The following USP6 variants were observed in gnomAD, a reference collection of about 807,000 sequenced individuals.
The protein encoded by USP6 is ubiquitin carboxyl-terminal hydrolase 6.
USP6 carries 128 observed loss-of-function variants against 175.7 expected under a neutral mutation model. The observed-to-expected ratio is 0.73, with a 90% CI of 0.63 to 0.84. The LOEUF is 0.84. USP6 is among the 40% of genes least tolerant of loss of function. The pLI, the probability that USP6 is intolerant of heterozygous loss-of-function variation, is 0.00. For synonymous variants in USP6, 562 were observed against 630.6 expected (o/e 0.89, Z 1.63); for missense variants, 1,498 against 1,760.3 (o/e 0.85, Z 2.67).
At chr17:5,133,236 G>A (rs574657295) in intron 13 of USP6, among the ~76,000 whole-genome samples, 43 of 152,152 alleles carry the variant, frequency 2.8e-4, no homozygotes, top group South Asian at 8.3e-4. Context: ...CTGGTGACCC[G>A]AAGGAAGGAA....
chr17:5,150,676 G>A (rs1162399862), intron 30 of USP6, among the ~76,000 whole-genome samples: 1 of 151,884 alleles, frequency 6.6e-6, no homozygotes, highest in Non-Finnish European at 1.5e-5. Context: ...TGTATTTTTA[G>A]TAGAGATGGG....
chr17:5,160,896 C>G (rs1389453925), intron 31 of USP6, among the ~76,000 whole-genome samples: 1 of 152,188 alleles, frequency 6.6e-6, no homozygotes, highest in Non-Finnish European at 1.5e-5. Flanking sequence ...CCTGTTGTTT[C>G]CTGACTTTTT....
At chr17:5,170,987 C>T (rs2074204908) in intron 36 of USP6, 72 bp downstream of exon 36, 1 of 1,541,366 alleles carries the variant, frequency 6.5e-7, no homozygotes, top group Non-Finnish European at 8.8e-7. Flanking sequence ...TATTCATCAG[C>T]AAGTATTTTT....
chr17:5,135,737 G>C, intron 16 of USP6, 71 bp from the exon 17 acceptor site: 1 of 1,596,788 alleles, frequency 6.3e-7, no homozygotes, highest in Non-Finnish European at 8.5e-7. Context: ...CCTCTCCAAT[G>C]ACATGAGTCC....
chr17:5,119,662 G>A (rs2072607946), intron 2 of USP6, among the ~76,000 whole-genome samples: 1 of 152,150 alleles, frequency 6.6e-6, no homozygotes, highest in Non-Finnish European at 1.5e-5. Context: ...TCAGCTCACT[G>A]CAGTTAACTA....
chr17:5,127,183 C>T (rs557644486), intron 6 of USP6, among the ~76,000 whole-genome samples: 6 of 152,130 alleles, frequency 3.9e-5, no homozygotes, highest in Non-Finnish European at 8.8e-5. Context: ...GATCCAGGCT[C>T]CAGAAGTCTC....
chr17:5,155,642 C>T (rs374594051), intron 31 of USP6, 36 bp downstream of exon 31: 97 of 1,575,216 alleles, frequency 6.2e-5, no homozygotes, highest in East Asian at 2.9e-4. Context: ...CTGTGGTTTC[C>T]AAACTCTAGA....
chr17:5,154,892 C>T (rs2144072658), intron 30 of USP6, among the ~76,000 whole-genome samples: 1 of 152,212 alleles, frequency 6.6e-6, no homozygotes, highest in Middle Eastern at 3.4e-3. Flanking sequence ...TGCCACCATG[C>T]CCAGCTAATT....
intron 33 of USP6, among the ~76,000 whole-genome samples, chr17:5,164,604 C>T (rs931863668): frequency 1.3e-5 from 2 of 152,220 alleles, no homozygotes; most frequent in Admixed American, 1.3e-4. Context: ...TTATAGGAAA[C>T]GGCCTACGTG....
rs2073681098 is a variant in USP6, at chr17:5,148,768, G to T, written c.2643+1G>T. 1 of 1,611,212 alleles carries T rather than the reference G, an allele frequency of 6.2e-7. No individual in the cohort carries two copies. The highest frequency in any genetic ancestry group is 1.1e-5 in the South Asian group (1 of 90,980). ...CATCATTGCAGTCCACCGAAAAATG[G>T]TTAGTTAAATGTTAGGCAACTCACT... On this transcript the variant is annotated splice_donor_variant, in intron 30 of 37. Coordinates refer to ENST00000574788, the MANE Select transcript of USP6 (RefSeq NM_001304284.2). LOFTEE classifies it high-confidence loss of function.
rs1477422522 is a variant in USP6, at chr17:5,123,915, A to ACG, written c.-1298-650_-1298-649insGC. Among the ~76,000 whole-genome samples the ACG allele has an allele frequency of 6.8e-5, 8 of 117,814 alleles. No homozygotes were observed. In the East Asian group the frequency reaches 1.2e-3, roughly 18 times the overall value. The allele number at this position is 117,814 out of a possible 152,430, so 77.3% of individuals were successfully genotyped here. ...CAAGCACGCACGTGCGCACACACAC[A>ACG]CACGCACACACACACACACACACGT... On this transcript the variant is annotated intron_variant, in intron 4 of 37. Transcript: ENST00000574788.
rs915305760 is a variant in USP6, at chr17:5,116,537, G to A, written c.-2131G>A. 1.3e-5 allele frequency: 2 copies of A among 152,328 alleles called. No homozygotes were observed. Among genetic ancestry groups the A allele is most frequent in the Admixed American group, 1.3e-4 (2 of 15,294 alleles). The allele number at this position is 152,328 out of a possible 1,614,324, so 9.4% of individuals were successfully genotyped here. A position where few individuals can be genotyped will look rare whatever the true frequency, so the allele number is the denominator to read the frequency against. On this transcript the variant is annotated 5_prime_UTR_variant, in exon 1 of 38. Transcript: ENST00000574788. ...CTGTCCGGGAAGAGCTCAGCCTAGT[G>A]GGGCGGGCGACAAGTTACAGTTGCT...
intron 33 of USP6, among the ~76,000 whole-genome samples, chr17:5,163,755 GTTAC>G (rs2074049930): frequency 6.6e-6 from 1 of 152,182 alleles, no homozygotes; most frequent in Non-Finnish European, 1.5e-5. Flanking sequence ...GGTAACCACA[GTTAC>G]TTAGTTCAAG....
intron 33 of USP6, among the ~76,000 whole-genome samples, chr17:5,164,042 A>G (rs1168388652): frequency 6.6e-6 from 1 of 152,234 alleles, no homozygotes; most frequent in Non-Finnish European, 1.5e-5. Flanking sequence ...AGACATTAAG[A>G]ATCTGATGGA....
intron 33 of USP6, among the ~76,000 whole-genome samples, chr17:5,164,562 T>C (rs2074063518): frequency 6.6e-6 from 1 of 152,256 alleles, no homozygotes; most frequent in African/African-American, 2.4e-5. Flanking sequence ...AAATCCAGTG[T>C]GCAATCGGAA....
intron 36 of USP6, among the ~76,000 whole-genome samples, chr17:5,171,286 G>T (rs1295756703): frequency 1.3e-5 from 2 of 152,128 alleles, no homozygotes; most frequent in Non-Finnish European, 2.9e-5. Flanking sequence ...TCTTTAGAGA[G>T]TTGTGATCAC....
At chr17:5,124,294 C>T (rs967957030) in intron 4 of USP6, among the ~76,000 whole-genome samples, 4 of 152,114 alleles carry the variant, frequency 2.6e-5, no homozygotes, top group African/African-American at 4.8e-5. Flanking sequence ...TGAGGTTGGG[C>T]GGTACCACCC....
Position 5,133,003 on chromosome 17 carries a change from G to A in USP6, c.276+13G>A, listed in dbSNP as rs778516496. 1 of 1,613,644 alleles carries A rather than the reference G, an allele frequency of 6.2e-7. No individual in the cohort carries two copies. The highest frequency in any genetic ancestry group is 1.1e-5 in the South Asian group (1 of 91,042). ...GCACAGTAGCAAAGTAATGTGTGGA[G>A]GGAGAGGCCCCTGGAAGCACTCTCT... On this transcript the variant is annotated intron_variant, in intron 13 of 37. Transcript: ENST00000574788.
rs1296575979 is a variant in USP6 at position 5,170,867 on chromosome 17, A to T, written c.3906A>T (p.Gln1302His). 6.2e-7 allele frequency: 1 copy of T among 1,612,646 alleles called. No individual in the cohort carries two copies. Among genetic ancestry groups the T allele is most frequent in the Non-Finnish European group, 8.5e-7 (1 of 1,179,868 alleles). The change falls in exon 36 of 38, where the codon CAA becomes CAT. Residue 1302 changes from glutamine to histidine, a missense_variant. Physicochemically the swap from Gln to His is conservative, Grantham distance 24 (BLOSUM62 0). Coordinates refer to ENST00000574788, the MANE Select transcript of USP6 (RefSeq NM_001304284.2). ...GTGAAGAAGACAGCACTGATGACCAAAGAGAAGACACTCATATTAAGCCTA... is the reference window on the plus strand; with the variant it reads ...GTGAAGAAGACAGCACTGATGACCATAGAGAAGACACTCATATTAAGCCTA... Reference protein sequence around the residue: ...NHSEEDSTDDQREDTHIKPIY... With the variant: ...NHSEEDSTDDHREDTHIKPIY...
Sources: allele counts gnomAD v4.1 joint callset (sites outside exome capture counted in the v4.1 genomes callset), GRCh38; gene constraint gnomAD v4.1.1; transcripts MANE v1.5; gene names NCBI Gene and HGNC (gene_info 2026-07-23, HGNC 2026-07-21).